The following CDH12 variants were observed in gnomAD, a reference collection of about 807,000 sequenced individuals.
The protein encoded by CDH12 is cadherin-12.
In CDH12, 41 loss-of-function variants were observed where a neutral mutation model predicts 74.1. The observed-to-expected ratio is 0.55, with a 90% CI of 0.43 to 0.72. The LOEUF is 0.72. Ranked by LOEUF, CDH12 falls within the 30% of genes least tolerant of loss-of-function variation. The pLI is 0.00. For missense variants in CDH12, 945 were observed against 977.2 expected (o/e 0.97, Z 0.44); for synonymous variants, 399 against 355.0 (o/e 1.12, Z -1.39).
intron 1 of CDH12, among the ~76,000 whole-genome samples, chr5:22,607,805 C>A (rs375499367): frequency 6.6e-6 from 1 of 152,230 alleles, no homozygotes; most frequent in Non-Finnish European, 1.5e-5. Flanking sequence ...ACAGCTCAGG[C>A]CATTGCTTCA....
At chr5:21,850,016 G>A (rs907962476) in intron 7 of CDH12, among the ~76,000 whole-genome samples, 1 of 151,588 alleles carries the variant, frequency 6.6e-6, no homozygotes, top group African/African-American at 2.4e-5. Context: ...GGATAGGCCT[G>A]GGGGACAGTG....
Position 22,669,034 on chromosome 5 carries a change from G to T in CDH12, c.-522-163670C>A, listed in dbSNP as rs553380664. 6.4e-4 allele frequency among the ~76,000 whole-genome samples: 98 copies of T among 152,078 alleles called. 1 individual carries two copies. The highest frequency in any genetic ancestry group is 1.1e-3 in the Non-Finnish European group (76 of 67,966). On this transcript the variant is annotated intron_variant, in intron 1 of 14. Coordinates refer to ENST00000382254, the MANE Select transcript of CDH12 (RefSeq NM_004061.5). ...GCACCAGGATTCATTACTGGTATAG[G>T]TCTTCAAATGTGTTATCATAACACT...
At chr5:22,157,881 C>A (rs890772867) in intron 4 of CDH12, among the ~76,000 whole-genome samples, 2 of 151,850 alleles carry the variant, frequency 1.3e-5, no homozygotes, top group East Asian at 3.9e-4. Context: ...AAATATTTGG[C>A]ATGAAGTCTA....
intron 3 of CDH12, among the ~76,000 whole-genome samples, chr5:22,279,101 T>C (rs1736764445): frequency 6.7e-6 from 1 of 150,026 alleles, no homozygotes; most frequent in Non-Finnish European, 1.5e-5. Flanking sequence ...ATACATATCA[T>C]TATTTTTCTA....
At chr5:22,708,611 G>A (rs1743140112) in intron 1 of CDH12, among the ~76,000 whole-genome samples, 1 of 152,148 alleles carries the variant, frequency 6.6e-6, no homozygotes, top group Admixed American at 6.5e-5. Context: ...AGAGCACAGA[G>A]AGAAGATAGC....
intron 3 of CDH12, among the ~76,000 whole-genome samples, chr5:22,329,017 C>T (rs1739239680): frequency 6.6e-6 from 1 of 151,946 alleles, no homozygotes; most frequent in African/African-American, 2.4e-5. Context: ...GCAAAATAAA[C>T]AAGACAAGAG....
At chr5:21,898,974 A>C (rs575560764) in intron 6 of CDH12, among the ~76,000 whole-genome samples, 2 of 152,244 alleles carry the variant, frequency 1.3e-5, no homozygotes, top group East Asian at 1.9e-4. Flanking sequence ...TCTATCTCAC[A>C]CAATTTCTCC....
chr5:22,240,582 G>A (rs1752711675), intron 3 of CDH12, among the ~76,000 whole-genome samples: 1 of 152,184 alleles, frequency 6.6e-6, no homozygotes. Flanking sequence ...CGCCTAGGCT[G>A]GACTGCAATG....
At chr5:22,272,447 T>C (rs1208943038) in intron 3 of CDH12, among the ~76,000 whole-genome samples, 1 of 152,236 alleles carries the variant, frequency 6.6e-6, no homozygotes, top group African/African-American at 2.4e-5. Context: ...ATGTATTCAC[T>C]GAAGTAGATC....
At chr5:22,400,075 G>T (rs1347309738) in intron 3 of CDH12, among the ~76,000 whole-genome samples, 1 of 152,036 alleles carries the variant, frequency 6.6e-6, no homozygotes, top group African/African-American at 2.4e-5. Flanking sequence ...ATCTTCATTG[G>T]CATAACTAAG....
At chr5:22,458,355 A>T (rs189906122) in intron 2 of CDH12, among the ~76,000 whole-genome samples, 1 of 152,226 alleles carries the variant, frequency 6.6e-6, no homozygotes. Flanking sequence ...ATCCCATCCT[A>T]AAAAAACTCA....
chr5:22,755,694 A>G (rs1462019373), intron 1 of CDH12, among the ~76,000 whole-genome samples: 2 of 152,150 alleles, frequency 1.3e-5, no homozygotes, highest in Non-Finnish European at 2.9e-5. Flanking sequence ...CTCAAGATTT[A>G]TATTTTTAAA....
intron 5 of CDH12, among the ~76,000 whole-genome samples, chr5:21,998,654 T>C (rs1736432605): frequency 6.6e-6 from 1 of 152,136 alleles, no homozygotes; most frequent in African/African-American, 2.4e-5. Context: ...CTTTATAAAA[T>C]ATTTTAAGGG....
intron 3 of CDH12, among the ~76,000 whole-genome samples, chr5:22,286,655 A>C (rs1580483165): frequency 6.8e-6 from 1 of 146,056 alleles, no homozygotes; most frequent in East Asian, 2.1e-4. Context: ...CAGCAAATAA[A>C]TCACAGTTTC....
intron 4 of CDH12, among the ~76,000 whole-genome samples, chr5:22,093,821 T>G (rs897739344): frequency 2.0e-5 from 3 of 152,182 alleles, no homozygotes; most frequent in African/African-American, 7.2e-5. Flanking sequence ...ATGATAGACT[T>G]CAGACTCAAG....
intron 1 of CDH12, among the ~76,000 whole-genome samples, chr5:22,569,520 T>C (rs752494869): frequency 1.3e-5 from 2 of 152,206 alleles, no homozygotes; most frequent in East Asian, 1.9e-4. Context: ...TATTTCTTTA[T>C]AGCAACACAA....
At position 21,880,645 on chromosome 5, in the gene CDH12, T is replaced by C. The variant is rs1306319161; in HGVS notation, c.527-25855A>G. ...TTTCTTTCTTTCTTTCTTTCTTTCT[T>C]TCTTTCTTTCTTTCTTTCTTTCTTT... On this transcript the variant is annotated intron_variant, in intron 6 of 14. Coordinates refer to ENST00000382254, the MANE Select transcript of CDH12 (RefSeq NM_004061.5). Among the ~76,000 whole-genome samples the C allele has an allele frequency of 4.7e-4, 58 of 123,840 alleles. 2 individuals are homozygous for C. The highest frequency in any genetic ancestry group is 1.5e-3 in the African/African-American group (52 of 33,664). The allele number at this position is 123,840 out of a possible 152,430, so 81.2% of individuals were successfully genotyped here.
chr5:22,630,084 C>A lies in CDH12; in HGVS notation c.-522-124720G>T, dbSNP rs191986744. On this transcript the variant is annotated intron_variant, in intron 1 of 14. Coordinates refer to ENST00000382254, the MANE Select transcript of CDH12 (RefSeq NM_004061.5). ...AAGATCTCTACAATGAGAATTATAACACACTGCTCAAAGAAATCAGAGATA... is the reference window on the plus strand; with the variant it reads ...AAGATCTCTACAATGAGAATTATAAAACACTGCTCAAAGAAATCAGAGATA... Among the ~76,000 whole-genome samples, 68 of 152,048 alleles carry A rather than the reference C, an allele frequency of 4.5e-4. 1 individual carries two copies. Among genetic ancestry groups the A allele is most frequent in the Non-Finnish European group, 7.7e-4 (52 of 67,910 alleles).
chr5:22,078,686 C>A lies in CDH12; in HGVS notation c.-10G>T. 4 of 1,612,958 alleles carry A rather than the reference C, an allele frequency of 2.5e-6. No homozygotes were observed. The highest frequency in any genetic ancestry group is 3.4e-6 in the Non-Finnish European group (4 of 1,179,350). On this transcript the variant is annotated 5_prime_UTR_variant, in exon 5 of 15. Transcript: ENST00000382254. ...AGTTCCTTGTAAGCATTGGCAAAGG[C>A]TTTCCTACAGCAGAGTAATAAAAAC... is the stretch of plus-strand genomic sequence containing the variant.
Sources: gnomAD v4.1 joint callset for allele counts (sites outside exome capture counted in the v4.1 genomes callset) on GRCh38, gnomAD v4.1.1 for gene constraint, MANE v1.5 for transcripts, NCBI Gene and HGNC (gene_info 2026-07-23, HGNC 2026-07-21) for gene names.